Variants in HDAC9 observed in about 807,000 individuals in gnomAD.
HDAC9 encodes MEF-2 interacting transcription repressor (MITR) protein.
In HDAC9, 41 loss-of-function variants were observed where a neutral mutation model predicts 139.4. The observed-to-expected ratio is 0.29, with a 90% confidence interval of 0.23 to 0.38. The LOEUF is 0.38. HDAC9 is among the 10% of genes least tolerant of loss of function. The pLI, the probability that HDAC9 is intolerant of heterozygous loss-of-function variation, is 1.00. For synonymous variants in HDAC9, 517 were observed against 476.2 expected, an observed-to-expected ratio of 1.09 and a Z score of -1.12; for missense variants, 1,147 against 1,297.0, an observed-to-expected ratio of 0.88 and a Z score of 1.78.
At chr7:18,139,285 C>G (rs940607689) in intron 1 of HDAC9, among the ~76,000 whole-genome samples, 1 of 151,946 alleles carries the variant, frequency 6.6e-6, no homozygotes, top group Non-Finnish European at 1.5e-5. Context: ...GTCACCACGA[C>G]TGGCTAATTT....
intron 2 of HDAC9, among the ~76,000 whole-genome samples, chr7:18,188,292 C>G (rs1790069638): frequency 6.6e-6 from 1 of 152,070 alleles, no homozygotes; most frequent in African/African-American, 2.4e-5. Context: ...AACTGGCTAG[C>G]TATATGCAGA....
rs111554440 is a variant in HDAC9, at chr7:18,813,042, A to G, written c.2323-16119A>G. ...CTTTTGAAATTGTCACTTCACCATTATATTCATCTTTTCCTGTAGATTGTT... is the reference window on the plus strand; with the variant it reads ...CTTTTGAAATTGTCACTTCACCATTGTATTCATCTTTTCCTGTAGATTGTT... On this transcript the variant is annotated intron_variant, in intron 17 of 25. Coordinates refer to ENST00000686413, the MANE Select transcript of HDAC9 (RefSeq NM_178425.4). Among the ~76,000 whole-genome samples the G allele has an allele frequency of 9.9e-4, 151 of 152,108 alleles. 2 individuals carry two copies. The highest frequency in any genetic ancestry group is 3.6e-3 in the African/African-American group (151 of 41,538).
chr7:18,100,157 A>G (rs1469049682), intron 1 of HDAC9, among the ~76,000 whole-genome samples: 1 of 150,080 alleles, frequency 6.7e-6, no homozygotes, highest in Non-Finnish European at 1.5e-5. Context: ...TATCATTTGC[A>G]TTTTTTTTTA....
At chr7:18,820,384 A>G (rs1328420231) in intron 17 of HDAC9, among the ~76,000 whole-genome samples, 1 of 152,234 alleles carries the variant, frequency 6.6e-6, no homozygotes, top group Admixed American at 6.5e-5. Context: ...TAGGAGACTC[A>G]GAATTCGGTG....
intron 2 of HDAC9, among the ~76,000 whole-genome samples, chr7:18,225,458 C>A (rs1183867574): frequency 1.3e-5 from 2 of 152,080 alleles, no homozygotes; most frequent in Admixed American, 6.6e-5. Flanking sequence ...GTCATAAATA[C>A]AAAAGGAAGC....
rs1338001360 is a variant in HDAC9, at chr7:18,108,320, T to C, written c.-97+21107T>C. Among the ~76,000 whole-genome samples, 3 of 152,116 alleles carry C rather than the reference T, an allele frequency of 2.0e-5. No individual in the cohort carries two copies. The East Asian group carries it at 5.8e-4, about 29-fold the overall frequency. The stretch of plus-strand genomic sequence containing the variant: ...GGGGCAGTACCAACAGCGTTCACTG[T>C]ATATGGAGATGGGCGCCATCATGGG... On this transcript the variant is annotated intron_variant, in intron 1 of 12. Coordinates refer to the HDAC9 transcript ENST00000417496.
At chr7:18,907,399 G>A (rs748028531) in intron 22 of HDAC9, among the ~76,000 whole-genome samples, 2 of 152,192 alleles carry the variant, frequency 1.3e-5, no homozygotes, top group Non-Finnish European at 2.9e-5. Flanking sequence ...GAGTGATGAA[G>A]TTTTGTTTAC....
At chr7:18,690,855 G>A (rs1208050157) in intron 12 of HDAC9, among the ~76,000 whole-genome samples, 3 of 151,898 alleles carry the variant, frequency 2.0e-5, no homozygotes, top group Non-Finnish European at 4.4e-5. Flanking sequence ...TGATAATAGA[G>A]TTGCTTAATG....
intron 7 of HDAC9, among the ~76,000 whole-genome samples, chr7:18,631,786 A>G (rs116086517): frequency 0.019 from 2,925 of 151,706 alleles, 104 homozygotes; most frequent in African/African-American, 0.067. Flanking sequence ...CAACATCCTT[A>G]TTTCATTGGC....
intron 2 of HDAC9, among the ~76,000 whole-genome samples, chr7:18,575,201 A>T (rs1469366194): frequency 6.6e-6 from 1 of 152,264 alleles, no homozygotes; most frequent in African/African-American, 2.4e-5. Flanking sequence ...GCCTTCAGTA[A>T]TAAGCATTTC....
chr7:18,835,152 T>A (rs1300529400), intron 19 of HDAC9, among the ~76,000 whole-genome samples: 1 of 152,140 alleles, frequency 6.6e-6, no homozygotes. Context: ...TATAAATATC[T>A]AATTGTACCA....
At chr7:18,422,209 G>A (rs534800025) in intron 1 of HDAC9, among the ~76,000 whole-genome samples, 61 of 152,234 alleles carry the variant, frequency 4.0e-4, no homozygotes, top group Middle Eastern at 3.4e-3. Flanking sequence ...CAATAAAATG[G>A]CAAGAAAAGA....
chr7:18,736,113 A>G (rs925433490), intron 13 of HDAC9, among the ~76,000 whole-genome samples: 9 of 152,242 alleles, frequency 5.9e-5, no homozygotes, highest in African/African-American at 2.2e-4. Flanking sequence ...GAAGTTGCTT[A>G]TCAGCTTAAG....
intron 6 of HDAC9, among the ~76,000 whole-genome samples, chr7:18,624,224 T>G (rs149545353): frequency 6.6e-6 from 1 of 152,266 alleles, no homozygotes; most frequent in African/African-American, 2.4e-5. Flanking sequence ...CCACCCTAAG[T>G]TTATTGTGTA....
At chr7:18,817,164 A>G (rs759573242) in intron 17 of HDAC9, among the ~76,000 whole-genome samples, 14 of 151,802 alleles carry the variant, frequency 9.2e-5, no homozygotes, top group Non-Finnish European at 1.8e-4. Flanking sequence ...CCTCCTGAGT[A>G]GCTGAGACTA....
At chr7:18,547,699 C>G (rs553132002) in intron 2 of HDAC9, among the ~76,000 whole-genome samples, 1 of 152,302 alleles carries the variant, frequency 6.6e-6, no homozygotes, top group Admixed American at 6.5e-5. Flanking sequence ...TTCTCAAACC[C>G]TGCTTCTGCT....
intron 2 of HDAC9, among the ~76,000 whole-genome samples, chr7:18,580,366 C>T (rs528112279): frequency 2.0e-5 from 3 of 152,094 alleles, no homozygotes; most frequent in Non-Finnish European, 2.9e-5. Context: ...CTGTCAAGAA[C>T]GGGCAGGACT....
intron 3 of HDAC9, among the ~76,000 whole-genome samples, chr7:18,586,831 G>T (rs548392738): frequency 2.0e-5 from 3 of 152,058 alleles, no homozygotes. Context: ...AGTAGCTCAT[G>T]GCTACATTTT....
At chr7:18,797,644 G>A (rs760925452) in intron 17 of HDAC9, among the ~76,000 whole-genome samples, 16 of 151,900 alleles carry the variant, frequency 1.1e-4, no homozygotes, top group Non-Finnish European at 2.1e-4. Context: ...CCTGGCCAAC[G>A]TGGCAAAACC....
Sources: gnomAD v4.1 joint callset for allele counts (sites outside exome capture counted in the v4.1 genomes callset) on GRCh38, gnomAD v4.1.1 for gene constraint, MANE v1.5 for transcripts, NCBI Gene and HGNC (gene_info 2026-07-23, HGNC 2026-07-21) for gene names.